The following MS4A6A variants were observed in gnomAD, a reference collection of about 807,000 sequenced individuals.
MS4A6A encodes the protein membrane-spanning 4-domains subfamily A member 6A.
In MS4A6A, 19 loss-of-function variants were observed where a neutral mutation model predicts 20.6. That is an observed-to-expected ratio of 0.92 (90% CI 0.64 to 1.36). MS4A6A has a LOEUF of 1.36. MS4A6A is among the 40% of genes most tolerant of loss of function. The pLI is 0.00. For missense variants in MS4A6A, 272 were observed against 261.1 expected (o/e 1.04, Z -0.29); for synonymous variants, 108 against 105.0 (o/e 1.03, Z -0.17).
At chr11:60,177,556 T>C (rs890651394) in intron 4 of MS4A6A, 4 of 145,978 alleles carry the variant, frequency 2.7e-5, no homozygotes, top group Admixed American at 1.4e-4. Flanking sequence ...GGTAAAGCTT[T>C]GTTTTTTGTT....
upstream of MS4A6A, chr11:60,184,561 C>G (rs1184784841): frequency 1.3e-5 from 2 of 152,288 alleles, no homozygotes; most frequent in Non-Finnish European, 1.5e-5. Flanking sequence ...GGCTCCCTCT[C>G]CAGTCAGTTT....
chr11:60,172,325 T>C (rs566938832), downstream of MS4A6A: 8 of 1,575,240 alleles, frequency 5.1e-6, no homozygotes, highest in African/African-American at 4.1e-5. Context: ...ATGCCATTTT[T>C]CCAACTGTAT....
At chr11:60,172,134 T>G (rs773886410), downstream of MS4A6A, 1 of 1,601,294 alleles carries the variant, frequency 6.2e-7, no homozygotes, top group South Asian at 1.1e-5. Flanking sequence ...ATCAACTTTC[T>G]GATTAATATT....
chr11:60,171,661 A>G (rs1822929240), downstream of MS4A6A, among the ~76,000 whole-genome samples: 1 of 152,228 alleles, frequency 6.6e-6, no homozygotes, highest in African/African-American at 2.4e-5. Context: ...CTGAGACTTC[A>G]TTATATGGGG....
rs1435457253 is a variant in MS4A6A, at chr11:60,175,489, A to G, written c.462T>C (p.Asn154=). 3 of 1,614,020 alleles carry G rather than the reference A, an allele frequency of 1.9e-6. No individual in the cohort carries two copies. The African/African-American group carries it at 4.0e-5, about 22-fold the overall frequency. Residue 154 remains asparagine, a synonymous_variant, in exon 5 of 6, where the codon AAT becomes AAC. Coordinates refer to ENST00000528851, the MANE Select transcript of MS4A6A (RefSeq NM_022349.4). ...AAACATAACTTCTTGTTGGTATATT[A>G]TTTTTGTCCAACTCACACTGCAGTG... ...PASLQCELDK[N]NIPTRSYVSY... is the part of the protein sequence containing the mutation.
intron 5 of MS4A6A, among the ~76,000 whole-genome samples, chr11:60,173,789 C>G (rs1483853934): frequency 6.6e-6 from 1 of 151,886 alleles, no homozygotes; most frequent in Admixed American, 6.6e-5. Flanking sequence ...AGGTAGTAAA[C>G]TGTCAGAGTT....
In MS4A6A at chr11:60,172,786, G is replaced by A. The variant is rs1856645239; in HGVS notation, c.*215C>T. 1.5e-6 allele frequency: 2 copies of A among 1,328,396 alleles called. No homozygotes were observed. Among genetic ancestry groups the A allele is most frequent in the Admixed American group, 6.2e-5 (2 of 32,080 alleles). 82.3% of individuals were successfully genotyped at this position (1,328,396 alleles called of 1,614,324 possible). ...CTCATTCCCTTCGCTGACAAAATAG[G>A]AAGATTGAATCAGTTGATTTCTCAT... On this transcript the variant is annotated 3_prime_UTR_variant, in exon 6 of 6. Coordinates refer to ENST00000528851, the MANE Select transcript of MS4A6A (RefSeq NM_022349.4).
chr11:60,184,432 C>T (rs977108825), upstream of MS4A6A: 2 of 152,210 alleles, frequency 1.3e-5, no homozygotes, highest in South Asian at 2.1e-4. Flanking sequence ...TGCAGCTCTC[C>T]TCCTGAGCTT....
intron 2 of MS4A6A, chr11:60,180,373 C>T: frequency 5.6e-6 from 1 of 179,490 alleles, no homozygotes; most frequent in South Asian, 1.4e-4. Flanking sequence ...GCAGTATTGG[C>T]AGTGCAGAAG....
downstream of MS4A6A, chr11:60,172,418 C>A: frequency 7.4e-7 from 1 of 1,359,542 alleles, no homozygotes; most frequent in Non-Finnish European, 9.5e-7. Flanking sequence ...CCCTAGTATT[C>A]ATTCTACACT....
intron 3 of MS4A6A, 66 bp downstream of exon 3, chr11:60,179,765 G>A (rs1390472045): frequency 1.3e-6 from 2 of 1,585,514 alleles, no homozygotes; most frequent in South Asian, 2.2e-5. Flanking sequence ...CAGGTGGGAA[G>A]TCTAAGCTAT....
Position 60,175,554 on chromosome 11 carries a change from T to C in MS4A6A, c.397A>G (p.Ile133Val), listed in dbSNP as rs757412173. The C allele has an allele frequency of 1.4e-5, 22 of 1,614,054 alleles. 1 individual carries two copies. The South Asian group carries it at 2.4e-4, about 18-fold the overall frequency. The change falls in exon 5 of 6, where the codon ATT becomes GTT. Residue 133 changes from isoleucine to valine, a missense_variant. Ile to Val is a conservative substitution (Grantham distance 29). Transcript: ENST00000528851. ...GTGGCCTGTTTGACAGACAGGATAA[T>C]GAAACCCACCAGGGCAGACAGAGCA... The part of the protein sequence containing the change: ...LSALSALVGF[I>V]ILSVKQATLN...
downstream of MS4A6A, chr11:60,172,447 T>C: frequency 7.8e-7 from 1 of 1,283,284 alleles, no homozygotes; most frequent in Non-Finnish European, 9.8e-7. Context: ...CAATTTTGGA[T>C]AAATCAAGGC....
chr11:60,172,159 T>A (rs759738457), downstream of MS4A6A: 3 of 1,609,990 alleles, frequency 1.9e-6, no homozygotes, highest in Admixed American at 1.7e-5. Context: ...CCTTTTTTCT[T>A]AAGAAGTCAA....
Position 60,179,921 on chromosome 11 carries a change from G to C in MS4A6A, c.192C>G (p.Ile64Met). ...GAGAGAAGGAAGCAGATGCCAAAATGATCCCCAAGCTCAATACCATCATGC... is the reference window on the plus strand; with the variant it reads ...GAGAGAAGGAAGCAGATGCCAAAATCATCCCCAAGCTCAATACCATCATGC... ...LCGMMVLSLG[I>M]ILASASFSPN... Residue 64 changes from isoleucine (I) to methionine (M), a missense_variant, in exon 3 of 6, where the codon ATC (isoleucine) becomes ATG (methionine). Physicochemically the swap from Ile to Met is conservative, Grantham distance 10 (BLOSUM62 1). Coordinates refer to ENST00000528851, the MANE Select transcript of MS4A6A (RefSeq NM_022349.4). The C allele has an allele frequency of 6.2e-7, 1 of 1,614,116 alleles. No individual in the cohort carries two copies. The highest frequency in any genetic ancestry group is 8.5e-7 in the Non-Finnish European group (1 of 1,179,992).
At chr11:60,173,268 G>A (rs1050006358) in intron 5 of MS4A6A, 139 bp from the exon 6 acceptor site, 2 of 715,804 alleles carry the variant, frequency 2.8e-6, no homozygotes, top group African/African-American at 1.7e-5. Flanking sequence ...AGATAAAACT[G>A]CTCCTCCCAC....
At chr11:60,172,276 G>C, downstream of MS4A6A, 1 of 1,609,942 alleles carries the variant, frequency 6.2e-7, no homozygotes. Flanking sequence ...AAATATGTTA[G>C]GTCTTCAGAC....
chr11:60,177,127 C>G (rs1856882931), intron 4 of MS4A6A: 1 of 152,164 alleles, frequency 6.6e-6, no homozygotes, highest in South Asian at 2.1e-4. Context: ...TTTCCATCAT[C>G]ATAGAAAGTT....
chr11:60,173,195 A>G, intron 5 of MS4A6A, 66 bp from the exon 6 acceptor site: 1 of 1,411,330 alleles, frequency 7.1e-7, no homozygotes, highest in South Asian at 1.2e-5. Flanking sequence ...CCTAGTTGAG[A>G]GGTGACCATA....
Sources: gnomAD v4.1 joint callset for allele counts (sites outside exome capture counted in the v4.1 genomes callset) on GRCh38, gnomAD v4.1.1 for gene constraint, MANE v1.5 for transcripts, NCBI Gene and HGNC (gene_info 2026-07-23, HGNC 2026-07-21) for gene names.